KLF12: variants seen among roughly 807,000 people sequenced by gnomAD.
KLF12 encodes Krueppel-like factor 12.
Under a neutral mutation model 37.8 loss-of-function variants are expected in KLF12, and 9 were observed. The ratio of observed to expected loss-of-function variants is 0.24; its 90% CI spans 0.14 to 0.42. The LOEUF is 0.42. Among genes scored for constraint, KLF12 ranks in the 10% least tolerant of loss-of-function variants. KLF12 has a pLI of 1.00. For synonymous variants in KLF12, 208 were observed against 202.1 expected, an observed-to-expected ratio of 1.03 and a Z score of -0.25; for missense variants, 411 against 516.0, an observed-to-expected ratio of 0.80 and a Z score of 1.97.
At chr13:73,727,702 C>CTTT (rs4053530) in intron 6 of KLF12, among the ~76,000 whole-genome samples, 2 of 145,204 alleles carry the variant, frequency 1.4e-5, no homozygotes, top group Admixed American at 6.9e-5. Context: ...CAATTTCTTT[C>CTTT]TTTTTTTTTT....
chr13:73,936,324 C>T (rs1889923211), intron 3 of KLF12, among the ~76,000 whole-genome samples: 2 of 152,128 alleles, frequency 1.3e-5, no homozygotes, highest in African/African-American at 4.8e-5. Flanking sequence ...AGGTCCAGAG[C>T]AGTCTATTCC....
chr13:73,841,307 T>A (rs1884722005), intron 4 of KLF12, among the ~76,000 whole-genome samples: 1 of 152,136 alleles, frequency 6.6e-6, no homozygotes, highest in African/African-American at 2.4e-5. Flanking sequence ...GCCAGGGGTG[T>A]CCAGTCTTTT....
At chr13:74,243,562 C>T in the KLF12 span, among the ~76,000 whole-genome samples, 3 of 152,194 alleles carry the variant, frequency 2.0e-5, no homozygotes, top group Non-Finnish European at 2.9e-5. Flanking sequence ...CTAATTTACA[C>T]TCTCCCCAAC....
intron 2 of KLF12, among the ~76,000 whole-genome samples, chr13:73,951,955 G>A (rs527836916): frequency 6.6e-6 from 1 of 152,284 alleles, no homozygotes; most frequent in South Asian, 2.1e-4. Context: ...ATAAATATCT[G>A]TTGGACTAAT....
chr13:74,288,212 C>T, the KLF12 span, among the ~76,000 whole-genome samples: 2 of 152,162 alleles, frequency 1.3e-5, no homozygotes, highest in African/African-American at 4.8e-5. Context: ...AACAGACAAA[C>T]TAAAGAGGTA....
intron 1 of KLF12, among the ~76,000 whole-genome samples, chr13:74,036,127 C>G (rs941123086): frequency 6.6e-6 from 1 of 152,186 alleles, no homozygotes; most frequent in Non-Finnish European, 1.5e-5. Context: ...TGTGAACCAT[C>G]TGACACCACC....
At chr13:74,199,286 C>A in the KLF12 span, among the ~76,000 whole-genome samples, 1 of 152,320 alleles carries the variant, frequency 6.6e-6, no homozygotes, top group Non-Finnish European at 1.5e-5. Context: ...TAACGATTTA[C>A]TTCAAAGTGA....
chr13:73,917,147 C>T (rs181005547), intron 3 of KLF12, among the ~76,000 whole-genome samples: 97 of 152,232 alleles, frequency 6.4e-4, no homozygotes, highest in African/African-American at 2.3e-3. Flanking sequence ...TCTGATTGGC[C>T]CTGCCTTAAA....
chr13:73,946,872 A>G (rs915593118), intron 2 of KLF12, among the ~76,000 whole-genome samples: 1 of 152,244 alleles, frequency 6.6e-6, no homozygotes, highest in Non-Finnish European at 1.5e-5. Context: ...GCTCCAAACT[A>G]TCTAGGAAGG....
intron 1 of KLF12, among the ~76,000 whole-genome samples, chr13:74,084,660 G>A (rs918007579): frequency 3.3e-5 from 5 of 152,132 alleles, no homozygotes; most frequent in Non-Finnish European, 7.4e-5. Context: ...ACAGTGTTCC[G>A]TTTGAGCTTT....
chr13:74,277,704 AGGAGCTGTGACT>A, the KLF12 span, among the ~76,000 whole-genome samples: 1 of 152,190 alleles, frequency 6.6e-6, no homozygotes, highest in Non-Finnish European at 1.5e-5. Context: ...AAACTTAGGC[AGGAGCTGTGACT>A]TTAAAAATTT....
rs150977666 is a variant in KLF12, at chr13:74,002,569, T to C, written c.-31-7516A>G. Among the ~76,000 whole-genome samples, 162 of 152,270 alleles carry C rather than the reference T, an allele frequency of 1.1e-3. 1 individual carries two copies. The highest frequency in any genetic ancestry group is 3.2e-3 in the African/African-American group (134 of 41,542). On this transcript the variant is annotated intron_variant, in intron 1 of 7. Transcript: ENST00000377669. The stretch of plus-strand genomic sequence containing the variant: ...GTTTTGTAGAGACGGAGTTCTGCCA[T>C]GTTGCTTAGGCTGGTCTCAAATTCC...
the KLF12 span, among the ~76,000 whole-genome samples, chr13:74,285,484 G>A: frequency 6.6e-6 from 1 of 152,182 alleles, no homozygotes; most frequent in Non-Finnish European, 1.5e-5. Flanking sequence ...TGCCACAATT[G>A]CATAACTGCA....
chr13:73,990,455 G>T (rs987853391), intron 2 of KLF12, among the ~76,000 whole-genome samples: 2 of 152,154 alleles, frequency 1.3e-5, no homozygotes, highest in African/African-American at 2.4e-5. Context: ...CCAAATGCCA[G>T]ATGACAGGGA....
intron 2 of KLF12, among the ~76,000 whole-genome samples, chr13:73,985,245 T>C (rs961901712): frequency 6.6e-6 from 1 of 152,196 alleles, no homozygotes; most frequent in African/African-American, 2.4e-5. Flanking sequence ...AAGTAGCCAC[T>C]TCAAGAGCAA....
the KLF12 span, among the ~76,000 whole-genome samples, chr13:74,165,744 C>G: frequency 7.4e-3 from 1,124 of 152,316 alleles, 9 homozygotes; most frequent in Non-Finnish European, 0.012. Context: ...CCAGGTTTCC[C>G]TGATGTCTCA....
chr13:73,900,029 TTAAA>T (rs1229371473), intron 3 of KLF12, among the ~76,000 whole-genome samples: 2 of 152,174 alleles, frequency 1.3e-5, no homozygotes, highest in Non-Finnish European at 2.9e-5. Context: ...AAGTTTTTCG[TTAAA>T]TAGACAAAAG....
chr13:73,804,484 A>G (rs1192042748), intron 5 of KLF12, among the ~76,000 whole-genome samples: 1 of 152,164 alleles, frequency 6.6e-6, no homozygotes, highest in African/African-American at 2.4e-5. Flanking sequence ...GCAGATAAAA[A>G]GGAATATGTA....
chr13:74,241,847 C>T, the KLF12 span, among the ~76,000 whole-genome samples: 2 of 152,162 alleles, frequency 1.3e-5, no homozygotes, highest in Non-Finnish European at 2.9e-5. Context: ...CACTGTCTGG[C>T]ACTCCGTAGT....
Sources: allele counts gnomAD v4.1 joint callset (sites outside exome capture counted in the v4.1 genomes callset), GRCh38; gene constraint gnomAD v4.1.1; transcripts MANE v1.5; gene names NCBI Gene and HGNC (gene_info 2026-07-23, HGNC 2026-07-21).